TSHZ2: variants seen among roughly 807,000 people sequenced by gnomAD.
TSHZ2 encodes teashirt zinc finger homeobox 2.
A neutral mutation model predicts 74.4 loss-of-function variants in TSHZ2; 21 were observed. That is an observed-to-expected ratio of 0.28 (90% CI 0.20 to 0.41). TSHZ2 has a LOEUF of 0.41. Among genes scored for constraint, TSHZ2 ranks in the 10% least tolerant of loss-of-function variants. The pLI, the probability that TSHZ2 is intolerant of heterozygous loss-of-function variation, is 1.00. For synonymous variants in TSHZ2, 540 were observed against 515.3 expected (o/e 1.05, Z -0.65); for missense variants, 1,244 against 1,293.5 (o/e 0.96, Z 0.59).
At chr20:53,315,685 G>T (rs1978975020) in intron 2 of TSHZ2, among the ~76,000 whole-genome samples, 1 of 152,140 alleles carries the variant, frequency 6.6e-6, no homozygotes. Flanking sequence ...TATTCTATGT[G>T]CCAGGTTTTT....
At chr20:53,175,258 A>C (rs1207390999) in intron 1 of TSHZ2, among the ~76,000 whole-genome samples, 1 of 146,634 alleles carries the variant, frequency 6.8e-6, no homozygotes, top group Non-Finnish European at 1.5e-5. Flanking sequence ...TGCCTGCCTC[A>C]GCCTCCCGAG....
Position 53,137,250 on chromosome 20 carries a change from G to A in TSHZ2, c.41-116249G>A, listed in dbSNP as rs114788457. On this transcript the variant is annotated intron_variant, in intron 1 of 2. Transcript: ENST00000371497. Reference sequence around the variant, plus strand: ...CAGAAATTTTTCTTCTATTAGCTATGTAGCATCCACAGCTGGGCAGACAGA... The same window carrying A: ...CAGAAATTTTTCTTCTATTAGCTATATAGCATCCACAGCTGGGCAGACAGA... Among the ~76,000 whole-genome samples the A allele has an allele frequency of 1.1e-3, 170 of 150,264 alleles. 1 individual carries two copies. Among genetic ancestry groups the A allele is most frequent in the African/African-American group, 4.0e-3 (163 of 40,888 alleles).
rs745974017 is a variant in TSHZ2 at position 53,256,287 on chromosome 20, T to C, written c.2829T>C (p.Ser943=). 13 of 1,613,952 alleles carry C rather than the reference T, an allele frequency of 8.1e-6. No homozygotes were observed. In the South Asian group the frequency reaches 1.4e-4, roughly 18 times the overall value. ...SQFRTPSTYI[S]HLESHLGFQM... ...TCAGAACCCCTTCTACCTACATCAG[T>C]CACTTAGAATCTCACCTGGGTTTCC... Residue 943 remains serine (S), a synonymous_variant, in exon 2 of 3, where the codon AGT becomes AGC. Transcript: ENST00000371497. This position sits in a 1 kb window ranked among gnomAD's most constrained non-coding sequence, Gnocchi z 4.3.
At chr20:53,304,036 T>TATC (rs1293391073) in intron 2 of TSHZ2, among the ~76,000 whole-genome samples, 1 of 151,002 alleles carries the variant, frequency 6.6e-6, no homozygotes, top group Non-Finnish European at 1.5e-5. Context: ...ACAGATTCTT[T>TATC]ATTATTATTA....
intron 1 of TSHZ2, among the ~76,000 whole-genome samples, chr20:53,161,932 A>G (rs966823019): frequency 3.3e-5 from 5 of 152,198 alleles, no homozygotes; most frequent in Non-Finnish European, 7.3e-5. Context: ...AATCTTCACC[A>G]ATGAATGGGT....
chr20:53,472,964 C>A (rs1053895830), intron 2 of TSHZ2, among the ~76,000 whole-genome samples: 2 of 152,040 alleles, frequency 1.3e-5, no homozygotes, highest in Admixed American at 6.5e-5. Context: ...TAAAAAACGG[C>A]GCACCACGAG....
At chr20:53,220,045 A>T (rs1016305608) in intron 1 of TSHZ2, among the ~76,000 whole-genome samples, 1 of 152,208 alleles carries the variant, frequency 6.6e-6, no homozygotes, top group African/African-American at 2.4e-5. Flanking sequence ...TGACTGTGAG[A>T]TAAGACAAGA....
chr20:53,361,882 TTTG>T (rs1032804206), intron 2 of TSHZ2, among the ~76,000 whole-genome samples: 9 of 150,294 alleles, frequency 6.0e-5, no homozygotes, highest in East Asian at 2.0e-4. Context: ...TTGGTTTTCT[TTTG>T]TTGTTGTTGT....
intron 1 of TSHZ2, among the ~76,000 whole-genome samples, chr20:53,127,027 A>AT (rs1491168844): frequency 1.3e-5 from 2 of 151,740 alleles, no homozygotes; most frequent in African/African-American, 4.9e-5. Context: ...GTAAAAAAAA[A>AT]GAAGAAGAGG....
chr20:53,265,510 C>T (rs913620598), intron 2 of TSHZ2, among the ~76,000 whole-genome samples: 18 of 152,142 alleles, frequency 1.2e-4, no homozygotes, highest in Non-Finnish European at 5.9e-5. Context: ...AGCCCCGCAG[C>T]GTTAACCTAC....
At chr20:53,283,421 C>A (rs1991102858) in intron 2 of TSHZ2, among the ~76,000 whole-genome samples, 1 of 152,198 alleles carries the variant, frequency 6.6e-6, no homozygotes. Context: ...TCCCTGTCAT[C>A]ACCCCTATTT....
chr20:53,104,777 G>T (rs930175053), intron 1 of TSHZ2, among the ~76,000 whole-genome samples: 1 of 152,164 alleles, frequency 6.6e-6, no homozygotes, highest in African/African-American at 2.4e-5. Context: ...AAGATGAACC[G>T]ATCCTTCTGT....
intron 2 of TSHZ2, among the ~76,000 whole-genome samples, chr20:53,261,829 AT>A (rs1209770914): frequency 1.3e-5 from 2 of 152,182 alleles, no homozygotes; most frequent in African/African-American, 4.8e-5. Flanking sequence ...ATTAGCTCAT[AT>A]TTTTTATATG....
At chr20:53,130,550 C>T (rs995643539) in intron 1 of TSHZ2, among the ~76,000 whole-genome samples, 8 of 152,246 alleles carry the variant, frequency 5.3e-5, no homozygotes, top group South Asian at 2.1e-4. Context: ...TGCTAGAGCC[C>T]GGAGGGTGGA....
chr20:53,078,730 G>A (rs1296419017), intron 1 of TSHZ2, among the ~76,000 whole-genome samples: 1 of 152,140 alleles, frequency 6.6e-6, no homozygotes, highest in East Asian at 1.9e-4. Flanking sequence ...TAGAGAAGTG[G>A]GTGGATTGAG....
chr20:53,236,671 C>T (rs1037350206), intron 1 of TSHZ2, among the ~76,000 whole-genome samples: 5 of 152,186 alleles, frequency 3.3e-5, no homozygotes, highest in African/African-American at 7.2e-5. Flanking sequence ...TAAAGAACTG[C>T]CTGAGACTGG....
intron 1 of TSHZ2, among the ~76,000 whole-genome samples, chr20:53,158,055 G>A (rs575292196): frequency 1.3e-5 from 2 of 152,290 alleles, no homozygotes; most frequent in South Asian, 4.1e-4. Flanking sequence ...CTCATTTGAG[G>A]AGGCGATATT....
At chr20:53,083,287 T>C (rs1600681432) in intron 1 of TSHZ2, among the ~76,000 whole-genome samples, 1 of 152,234 alleles carries the variant, frequency 6.6e-6, no homozygotes, top group East Asian at 1.9e-4. Flanking sequence ...ATCAATGTTA[T>C]TTTTACTTAT....
At chr20:53,451,225 G>A (rs1046221716) in intron 2 of TSHZ2, among the ~76,000 whole-genome samples, 9 of 152,162 alleles carry the variant, frequency 5.9e-5, no homozygotes, top group Non-Finnish European at 1.2e-4. Flanking sequence ...AATTTTTTCA[G>A]TTTCTGGTTT....
Sources: allele counts gnomAD v4.1 joint callset (sites outside exome capture counted in the v4.1 genomes callset), GRCh38; gene constraint gnomAD v4.1.1; non-coding constraint Gnocchi (gnomAD v3.1); transcripts MANE v1.5; gene names NCBI Gene and HGNC (gene_info 2026-07-23, HGNC 2026-07-21).